The following FNIP1 variants were observed in gnomAD, a reference collection of about 807,000 sequenced individuals.
FNIP1 encodes folliculin interacting protein 1, also known as folliculin-interacting protein 1.
A neutral mutation model predicts 124.5 loss-of-function variants in FNIP1; 40 were observed. The observed-to-expected ratio is 0.32, with a 90% CI of 0.25 to 0.42. The LOEUF is 0.42. FNIP1 is among the 10% of genes least tolerant of loss of function. The pLI is 1.00. For synonymous variants in FNIP1, 472 were observed against 470.6 expected (o/e 1.00, Z -0.04); for missense variants, 1,176 against 1,403.7 (o/e 0.84, Z 2.59).
rs926264938 is a variant in FNIP1 at position 131,710,750 on chromosome 5, C to T, written c.623-89G>A. 1.8e-5 allele frequency: 18 copies of T among 999,924 alleles called. No homozygotes were observed. The Middle Eastern group carries it at 8.4e-4, about 47-fold the overall frequency. The allele number at this position is 999,924 out of a possible 1,614,324, so 61.9% of individuals were successfully genotyped here. ...GGAAAAAAGGTGAGCTAAGGCAGCA[C>T]AAGAGCAGACCAACAAATATGGATG... is the stretch of plus-strand genomic sequence containing the variant. On this transcript the variant is annotated intron_variant, in intron 6 of 17. Transcript: ENST00000510461.
rs1490926383 is a variant in FNIP1, at chr5:131,651,819, T to G, written c.3289A>C (p.Asn1097His). Residue 1097 changes from asparagine (N) to histidine (H), a missense_variant, in exon 16 of 18, where the codon AAC (asparagine) becomes CAC (histidine). Around this residue, in one of 2 missense-constraint regions of FNIP1, gnomAD observed 67 missense variants for 115.2 expected, o/e 0.58. Coordinates refer to ENST00000510461, the MANE Select transcript of FNIP1 (RefSeq NM_133372.3). The part of the protein sequence containing the change: ...LHSTLQLYKH[N>H]LSPNFCVMHL... ...ATACTTACAAAATTTGGAGACAAGT[T>G]ATGCTTATAAAGCTGAAGTGTGGAA... 6.2e-7 allele frequency: 1 copy of G among 1,614,030 alleles called. No individual in the cohort carries two copies. Among genetic ancestry groups the G allele is most frequent in the Non-Finnish European group, 8.5e-7 (1 of 1,180,020 alleles).
chr5:131,792,921 G>A (rs1772456900), intron 1 of FNIP1, among the ~76,000 whole-genome samples: 1 of 152,178 alleles, frequency 6.6e-6, no homozygotes, highest in Admixed American at 6.5e-5. Context: ...TACTCAACCT[G>A]TATAACAAAA....
chr5:131,693,358 ATATAGT>A, intron 11 of FNIP1, among the ~76,000 whole-genome samples: 1 of 138,874 alleles, frequency 7.2e-6, no homozygotes, highest in African/African-American at 2.7e-5. Flanking sequence ...ATATATATAT[ATATAGT>A]TACAGAGATC....
Position 131,719,395 on chromosome 5 carries a change from G to A in FNIP1, c.377C>T (p.Ala126Val). ...AAACATCATCTCTCCAAGCATATTG[G>A]CATCAGAAGAGCACCGAGAACCCTA... ...KYQGSRCSSD[A>V]NMLGEMMFGS... The change falls in exon 4 of 18, where the codon GCC becomes GTC. Residue 126 changes from alanine to valine, a missense_variant. Coordinates refer to ENST00000510461, the MANE Select transcript of FNIP1 (RefSeq NM_133372.3). The A allele has an allele frequency of 1.2e-6, 2 of 1,612,476 alleles. No individual in the cohort carries two copies. Among genetic ancestry groups the A allele is most frequent in the Middle Eastern group, 1.7e-4 (1 of 6,046 alleles).
chr5:131,652,670 A>T (rs1041285462), intron 15 of FNIP1, among the ~76,000 whole-genome samples: 8 of 152,134 alleles, frequency 5.3e-5, no homozygotes, highest in Admixed American at 2.0e-4. Context: ...ACAGAACAGG[A>T]CAGGACAGGA....
intron 11 of FNIP1, among the ~76,000 whole-genome samples, chr5:131,698,430 A>C (rs918239391): frequency 6.6e-6 from 1 of 152,232 alleles, no homozygotes; most frequent in Non-Finnish European, 1.5e-5. Context: ...GGCTTCAGGT[A>C]CAAGCTTTGT....
Position 131,710,570 on chromosome 5 carries a change from T to C in FNIP1, c.706+8A>G. On this transcript the variant is annotated splice_region_variant and intron_variant, in intron 7 of 17. Coordinates refer to ENST00000510461, the MANE Select transcript of FNIP1 (RefSeq NM_133372.3). ...CCAACTAGTCTACCCACACAGCACA[T>C]CGCAAACCTGCAAAGAAAGAGGCGC... is the stretch of plus-strand genomic sequence containing the variant. 1.9e-6 allele frequency: 3 copies of C among 1,613,344 alleles called. No homozygotes were observed. Among genetic ancestry groups the C allele is most frequent in the East Asian group, 2.2e-5 (1 of 44,870 alleles).
chr5:131,664,765 C>T (rs1767545065), intron 15 of FNIP1, among the ~76,000 whole-genome samples: 1 of 150,718 alleles, frequency 6.6e-6, no homozygotes. Flanking sequence ...AATATTCTTA[C>T]ATTAACTATT....
chr5:131,739,304 C>G lies in FNIP1; in HGVS notation c.219+5260G>C, dbSNP rs576183405. 3.0e-4 allele frequency among the ~76,000 whole-genome samples: 45 copies of G among 152,188 alleles called. No homozygotes were observed. The South Asian group carries it at 9.3e-3, about 32-fold the overall frequency. On this transcript the variant is annotated intron_variant, in intron 2 of 17. Transcript: ENST00000510461. ...ATGCTTGAGCCCAAGAGTTTGAGAC[C>G]AGCCTGGATAAAACAGTAAGACGCC...
intron 11 of FNIP1, among the ~76,000 whole-genome samples, chr5:131,686,685 T>C (rs1768284455): frequency 1.3e-5 from 2 of 152,198 alleles, no homozygotes; most frequent in Admixed American, 1.3e-4. Context: ...CCAATCATAC[T>C]CTTTCAGTTA....
chr5:131,717,640 C>A (rs1232016266), intron 5 of FNIP1, among the ~76,000 whole-genome samples: 1 of 152,226 alleles, frequency 6.6e-6, no homozygotes, highest in East Asian at 1.9e-4. Flanking sequence ...TATATCACTT[C>A]TTTTAGTGTC....
chr5:131,754,503 T>C (rs1031947233), intron 1 of FNIP1, among the ~76,000 whole-genome samples: 3 of 152,222 alleles, frequency 2.0e-5, no homozygotes, highest in South Asian at 2.1e-4. Flanking sequence ...ATCTAAATCA[T>C]TGTGTATGGC....
At chr5:131,674,953 A>G (rs73788729) in intron 13 of FNIP1, among the ~76,000 whole-genome samples, 4,616 of 152,270 alleles carry the variant, frequency 0.03, 235 homozygotes, top group African/African-American at 0.1. Flanking sequence ...CCACTGTTCT[A>G]AACTACTCCC....
chr5:131,736,683 A>G (rs1194140826), intron 2 of FNIP1, among the ~76,000 whole-genome samples: 1 of 152,220 alleles, frequency 6.6e-6, no homozygotes, highest in Non-Finnish European at 1.5e-5. Context: ...AAGAGATACA[A>G]CAAATAAATG....
intron 1 of FNIP1, among the ~76,000 whole-genome samples, chr5:131,754,356 C>A (rs1197976657): frequency 2.6e-5 from 4 of 152,162 alleles, no homozygotes; most frequent in Non-Finnish European, 4.4e-5. Flanking sequence ...TGTGCATAAG[C>A]AGGTCAGGTA....
At chr5:131,731,553 A>G (rs781521315) in intron 2 of FNIP1, among the ~76,000 whole-genome samples, 17 of 151,782 alleles carry the variant, frequency 1.1e-4, no homozygotes, top group Non-Finnish European at 1.6e-4. Context: ...TCTTGGGAGG[A>G]TGAGGCACAA....
chr5:131,648,816 T>C (rs887692219), intron 16 of FNIP1, among the ~76,000 whole-genome samples: 3 of 152,210 alleles, frequency 2.0e-5, no homozygotes. Flanking sequence ...CCTTATTCTC[T>C]TCTTACCCGC....
At chr5:131,766,892 G>A (rs1444323148) in intron 1 of FNIP1, among the ~76,000 whole-genome samples, 1 of 151,858 alleles carries the variant, frequency 6.6e-6, no homozygotes, top group Admixed American at 6.6e-5. Context: ...TTTTTGTTCT[G>A]TCTAGGCCCC....
chr5:131,725,479 A>G (rs1769829707), intron 3 of FNIP1, among the ~76,000 whole-genome samples: 1 of 152,102 alleles, frequency 6.6e-6, no homozygotes, highest in South Asian at 2.1e-4. Context: ...ATGGGAGTTC[A>G]CTCACGATTT....
Sources: gnomAD v4.1 joint callset for allele counts (sites outside exome capture counted in the v4.1 genomes callset) on GRCh38, gnomAD v4.1.1 for gene constraint, gnomAD v4.1.1 regional missense constraint, MANE v1.5 for transcripts, NCBI Gene and HGNC (gene_info 2026-07-23, HGNC 2026-07-21) for gene names.